The following CNTN4 variants were observed in gnomAD, a reference collection of about 807,000 sequenced individuals.
CNTN4 encodes contactin 4.
A neutral mutation model predicts 122.5 loss-of-function variants in CNTN4; 77 were observed. The observed-to-expected ratio is 0.63, with a 90% CI of 0.52 to 0.76. The LOEUF (loss-of-function observed/expected upper bound fraction) is 0.76. Ranked by LOEUF, CNTN4 falls within the 30% of genes least tolerant of loss-of-function variation. CNTN4 has a pLI of 0.00. For missense variants in CNTN4, 1,256 were observed against 1,259.1 expected, an observed-to-expected ratio of 1.00 and a Z score of 0.04; for synonymous variants, 512 against 447.0, an observed-to-expected ratio of 1.15 and a Z score of -1.83.
intron 3 of CNTN4, among the ~76,000 whole-genome samples, chr3:2,377,436 C>G (rs2045863153): frequency 6.6e-6 from 1 of 152,190 alleles, no homozygotes; most frequent in South Asian, 2.1e-4. Context: ...GTTAAGTCAC[C>G]AAGAGATGTG....
At chr3:2,410,828 G>A (rs1175461543) in intron 3 of CNTN4, among the ~76,000 whole-genome samples, 1 of 152,208 alleles carries the variant, frequency 6.6e-6, no homozygotes, top group Non-Finnish European at 1.5e-5. Flanking sequence ...TAAAAGAGCA[G>A]TAGCATAGTC....
chr3:2,105,601 G>A (rs2032375809), intron 2 of CNTN4, among the ~76,000 whole-genome samples: 1 of 152,058 alleles, frequency 6.6e-6, no homozygotes, highest in Non-Finnish European at 1.5e-5. Context: ...CCAGCATGGG[G>A]GAAACTGCTT....
At chr3:3,029,673 A>T (rs1574867051) in intron 15 of CNTN4, among the ~76,000 whole-genome samples, 1 of 152,352 alleles carries the variant, frequency 6.6e-6, no homozygotes, top group East Asian at 1.9e-4. Context: ...TGTTAAGAAC[A>T]GGGACTATAT....
chr3:2,328,268 T>C (rs1145039), intron 2 of CNTN4, among the ~76,000 whole-genome samples: 87,626 of 147,368 alleles, frequency 0.59, 26,486 homozygotes, highest in South Asian at 0.72. Flanking sequence ...TAGCCGGGCG[T>C]GGTGGCGGGC....
At chr3:2,966,780 C>T (rs763663624) in intron 13 of CNTN4, among the ~76,000 whole-genome samples, 26 of 152,136 alleles carry the variant, frequency 1.7e-4, no homozygotes, top group Non-Finnish European at 2.8e-4. Context: ...ATTAAATATA[C>T]ATTTTTAATG....
At chr3:2,982,399 G>A (rs1204681134) in intron 13 of CNTN4, among the ~76,000 whole-genome samples, 3 of 152,040 alleles carry the variant, frequency 2.0e-5, no homozygotes, top group African/African-American at 7.3e-5. Context: ...TATATTATTG[G>A]CTTATATAAC....
intron 2 of CNTN4, among the ~76,000 whole-genome samples, chr3:2,160,501 T>A (rs1359205764): frequency 6.6e-6 from 1 of 152,156 alleles, no homozygotes; most frequent in Non-Finnish European, 1.5e-5. Flanking sequence ...ATGAAGATTA[T>A]CATATTGCTC....
At chr3:2,836,024 A>G (rs556095496) in intron 7 of CNTN4, among the ~76,000 whole-genome samples, 19 of 152,280 alleles carry the variant, frequency 1.2e-4, no homozygotes, top group African/African-American at 4.6e-4. Context: ...AGGCAAAATG[A>G]TAAGTTAAAA....
At chr3:2,252,355 G>T (rs185946007) in intron 2 of CNTN4, among the ~76,000 whole-genome samples, 3 of 151,288 alleles carry the variant, frequency 2.0e-5, no homozygotes, top group African/African-American at 7.3e-5. Flanking sequence ...TCTCTTTTTG[G>T]GATCTTATTG....
At chr3:2,448,490 C>T (rs1350985928) in intron 3 of CNTN4, among the ~76,000 whole-genome samples, 1 of 152,140 alleles carries the variant, frequency 6.6e-6, no homozygotes, top group African/African-American at 2.4e-5. Flanking sequence ...CTCAAATGAA[C>T]TTGAGAATTG....
chr3:2,705,891 T>C (rs535622203), intron 4 of CNTN4, among the ~76,000 whole-genome samples: 1 of 66,482 alleles, frequency 1.5e-5, no homozygotes, highest in Non-Finnish European at 2.8e-5. Context: ...TTATATAATA[T>C]ATAAAATATA....
chr3:3,008,102 G>A (rs1365308487), intron 14 of CNTN4, among the ~76,000 whole-genome samples: 7 of 152,152 alleles, frequency 4.6e-5, no homozygotes, highest in South Asian at 2.1e-4. Context: ...GAGAATGTGT[G>A]TTTCCATACT....
intron 4 of CNTN4, among the ~76,000 whole-genome samples, chr3:2,647,364 A>T (rs1414769411): frequency 6.6e-6 from 1 of 150,980 alleles, no homozygotes; most frequent in Non-Finnish European, 1.5e-5. Context: ...CTGGGCAACG[A>T]GAGCGAAACT....
intron 3 of CNTN4, among the ~76,000 whole-genome samples, chr3:2,378,887 G>T (rs1450523317): frequency 1.3e-5 from 2 of 152,044 alleles, no homozygotes; most frequent in Admixed American, 1.3e-4. Flanking sequence ...GGTATTAGAG[G>T]AATGTAATAC....
intron 2 of CNTN4, among the ~76,000 whole-genome samples, chr3:2,333,885 C>T (rs2043836212): frequency 7.5e-6 from 1 of 132,578 alleles, no homozygotes; most frequent in South Asian, 3.0e-4. Flanking sequence ...ACAGAAAATT[C>T]AGGTTGGGTT....
chr3:2,388,073 A>G (rs1242493058), intron 3 of CNTN4, among the ~76,000 whole-genome samples: 2 of 152,246 alleles, frequency 1.3e-5, no homozygotes, highest in Non-Finnish European at 2.9e-5. Context: ...GTAGAGCTAG[A>G]TTAACAATAT....
At chr3:2,103,751 G>C (rs1034362726) in intron 2 of CNTN4, among the ~76,000 whole-genome samples, 1 of 151,918 alleles carries the variant, frequency 6.6e-6, no homozygotes, top group Non-Finnish European at 1.5e-5. Context: ...TTTTCTATAT[G>C]ACTAAGGGGA....
intron 4 of CNTN4, among the ~76,000 whole-genome samples, chr3:2,623,311 A>T: frequency 6.8e-6 from 1 of 147,416 alleles, no homozygotes; most frequent in East Asian, 2.0e-4. Flanking sequence ...CATGGTCCAT[A>T]TATTTTTGTC....
chr3:2,646,515 A>G (rs2083127119), intron 4 of CNTN4, among the ~76,000 whole-genome samples: 1 of 152,180 alleles, frequency 6.6e-6, no homozygotes, highest in African/African-American at 2.4e-5. Context: ...CCTGGTGCAT[A>G]GTAAGCACTC....
Sources: gnomAD v4.1 joint callset for allele counts (sites outside exome capture counted in the v4.1 genomes callset) on GRCh38, gnomAD v4.1.1 for gene constraint, MANE v1.5 for transcripts, NCBI Gene and HGNC (gene_info 2026-07-23, HGNC 2026-07-21) for gene names.